Variants in NRXN1 observed in about 807,000 individuals in gnomAD.
NRXN1 encodes the protein neurexin 1.
Under a neutral mutation model 150.9 loss-of-function variants are expected in NRXN1, and 39 were observed. That is an observed-to-expected ratio of 0.26 (90% CI 0.20 to 0.34). NRXN1 has a LOEUF of 0.34. Among genes scored for constraint, NRXN1 ranks in the 10% least tolerant of loss-of-function variants. The pLI, the probability that NRXN1 is intolerant of heterozygous loss-of-function variation, is 1.00. For missense variants in NRXN1, 1,815 were observed against 1,949.9 expected, an observed-to-expected ratio of 0.93 and a Z score of 1.30; for synonymous variants, 924 against 757.0, an observed-to-expected ratio of 1.22 and a Z score of -3.62.
At chr2:50,095,187 ATTTTACT>A in intron 18 of NRXN1, among the ~76,000 whole-genome samples, 1 of 152,296 alleles carries the variant, frequency 6.6e-6, no homozygotes, top group East Asian at 1.9e-4. Flanking sequence ...GAGTAAGCTG[ATTTTACT>A]TTTTATGTCT....
intron 5 of NRXN1, among the ~76,000 whole-genome samples, chr2:50,897,095 T>C (rs1447851316): frequency 6.6e-6 from 1 of 152,182 alleles, no homozygotes; most frequent in African/African-American, 2.4e-5. Context: ...TAAGTAACTG[T>C]TGAAATGAGG....
chr2:50,066,586 C>T (rs114137571), intron 19 of NRXN1, among the ~76,000 whole-genome samples: 1,816 of 152,030 alleles, frequency 0.012, 45 homozygotes, highest in African/African-American at 0.042. Context: ...CTTCATAATG[C>T]TATTCACCCA....
intron 2 of NRXN1, among the ~76,000 whole-genome samples, chr2:50,997,991 A>G (rs561228499): frequency 2.8e-5 from 4 of 141,568 alleles, no homozygotes; most frequent in Non-Finnish European, 6.0e-5. Flanking sequence ...GGACTAGAGG[A>G]AGTGTACCCT....
intron 13 of NRXN1, among the ~76,000 whole-genome samples, chr2:50,501,663 C>T (rs2091956638): frequency 6.6e-6 from 1 of 151,530 alleles, no homozygotes; most frequent in South Asian, 2.1e-4. Context: ...AAACACAATT[C>T]TAGATTTTTA....
At chr2:50,702,608 AC>A (rs969169491) in intron 5 of NRXN1, among the ~76,000 whole-genome samples, 1 of 152,138 alleles carries the variant, frequency 6.6e-6, no homozygotes, top group Non-Finnish European at 1.5e-5. Flanking sequence ...ATTAAAAACA[AC>A]AGTATTTCAT....
intron 18 of NRXN1, among the ~76,000 whole-genome samples, chr2:50,162,662 T>C (rs1477071871): frequency 6.6e-6 from 1 of 152,098 alleles, no homozygotes; most frequent in Non-Finnish European, 1.5e-5. Flanking sequence ...CACAATGGAA[T>C]ATAGACATTT....
rs150926453 is a variant in NRXN1 at position 50,518,695 on chromosome 2, G to A, written c.2374+9930C>T. Among the ~76,000 whole-genome samples the A allele has an allele frequency of 1.5e-4, 22 of 151,656 alleles. No homozygotes were observed. The East Asian group carries it at 4.3e-3, about 29-fold the overall frequency. ...TCATTCCATGTCTAAATACACCACT[G>A]TAATAGTTATAGCATTTTTTTAATG... On this transcript the variant is annotated intron_variant, in intron 12 of 22. Coordinates refer to ENST00000401669, the MANE Select transcript of NRXN1 (RefSeq NM_001330078.2).
chr2:50,178,100 T>C lies in NRXN1; in HGVS notation c.3546+58689A>G, dbSNP rs537460028. Among the ~76,000 whole-genome samples the C allele has an allele frequency of 2.0e-5, 3 of 152,184 alleles. No homozygotes were observed. The South Asian group carries it at 6.2e-4, about 32-fold the overall frequency. ...AACAGTCCCTGATTCATAGTGTGTT[T>C]CAGATTAGGGTAGTAGGAGGAAGAT... On this transcript the variant is annotated intron_variant, in intron 18 of 22. Coordinates refer to ENST00000401669, the MANE Select transcript of NRXN1 (RefSeq NM_001330078.2).
intron 3 of NRXN1, among the ~76,000 whole-genome samples, chr2:50,924,762 G>T (rs1307134615): frequency 1.3e-5 from 2 of 151,600 alleles, no homozygotes; most frequent in South Asian, 2.1e-4. Context: ...TAACAAAACA[G>T]AAATGTTCAG....
chr2:50,324,729 T>C (rs527470485), intron 17 of NRXN1, among the ~76,000 whole-genome samples: 207 of 152,274 alleles, frequency 1.4e-3, no homozygotes, highest in African/African-American at 4.7e-3. Context: ...CATTTCTATC[T>C]TGCCTGCTTA....
rs112359527 is a variant in NRXN1, at chr2:50,714,495, T to G, written c.833-90880A>C. ...GTTCATCTTGGAACTGAAAGATAGT[T>G]TCTTCCCGCCATCAATCATTACCCA... On this transcript the variant is annotated intron_variant, in intron 5 of 22. Coordinates refer to ENST00000401669, the MANE Select transcript of NRXN1 (RefSeq NM_001330078.2). Among the ~76,000 whole-genome samples the G allele has an allele frequency of 2.0e-3, 312 of 152,206 alleles. 5 individuals carry two copies. Among genetic ancestry groups the G allele is most frequent in the African/African-American group, 7.3e-3 (304 of 41,542 alleles).
intron 17 of NRXN1, among the ~76,000 whole-genome samples, chr2:50,422,890 G>C (rs1662528200): frequency 6.6e-6 from 1 of 152,128 alleles, no homozygotes; most frequent in Admixed American, 6.5e-5. Flanking sequence ...ACCACTCTCA[G>C]TTTTATATGA....
intron 21 of NRXN1, among the ~76,000 whole-genome samples, chr2:49,946,734 A>T (rs1672975011): frequency 6.6e-6 from 1 of 152,078 alleles, no homozygotes; most frequent in Non-Finnish European, 1.5e-5. Flanking sequence ...ATATGGAACC[A>T]AAAAAGAGCC....
chr2:50,590,454 T>C (rs1479792250), intron 8 of NRXN1, among the ~76,000 whole-genome samples: 4 of 152,288 alleles, frequency 2.6e-5, no homozygotes, highest in African/African-American at 4.8e-5. Context: ...ATGACCTTAA[T>C]ACCTTTATAT....
chr2:50,353,801 A>G (rs1292981454), intron 17 of NRXN1, among the ~76,000 whole-genome samples: 1 of 152,132 alleles, frequency 6.6e-6, no homozygotes, highest in African/African-American at 2.4e-5. Flanking sequence ...ATTTATTACC[A>G]TAGCCTCTGT....
intron 2 of NRXN1, among the ~76,000 whole-genome samples, chr2:50,939,109 G>A (rs1168604318): frequency 1.3e-5 from 2 of 150,772 alleles, no homozygotes; most frequent in East Asian, 3.9e-4. Context: ...TACCTGGGAG[G>A]CTGAGGCAGG....
At chr2:49,993,923 T>C (rs1184667211) in intron 21 of NRXN1, among the ~76,000 whole-genome samples, 1 of 152,196 alleles carries the variant, frequency 6.6e-6, no homozygotes, top group Non-Finnish European at 1.5e-5. Context: ...GCTGTGGTGA[T>C]GTTTTCTGCC....
chr2:50,275,513 T>A (rs746888918), intron 17 of NRXN1, among the ~76,000 whole-genome samples: 1 of 151,946 alleles, frequency 6.6e-6, no homozygotes, highest in Admixed American at 6.6e-5. Context: ...AAAAAAAAAA[T>A]CTATTCATGG....
At chr2:51,022,840 T>G (rs1669844939) in intron 2 of NRXN1, among the ~76,000 whole-genome samples, 1 of 152,186 alleles carries the variant, frequency 6.6e-6, no homozygotes, top group South Asian at 2.1e-4. Flanking sequence ...CACTAGAACA[T>G]GTACTTGGGG....
Sources: gnomAD v4.1 joint callset for allele counts (sites outside exome capture counted in the v4.1 genomes callset) on GRCh38, gnomAD v4.1.1 for gene constraint, MANE v1.5 for transcripts, NCBI Gene and HGNC (gene_info 2026-07-23, HGNC 2026-07-21) for gene names.